WASHC4: variants seen among roughly 807,000 people sequenced by gnomAD.
The protein encoded by WASHC4 is WASH complex subunit 4.
A neutral mutation model predicts 166.6 loss-of-function variants in WASHC4; 86 were observed. That is an observed-to-expected ratio of 0.52 (90% CI 0.43 to 0.62). The LOEUF is 0.62. WASHC4 is among the 20% of genes least tolerant of loss of function. WASHC4 has a pLI of 0.00. For missense variants in WASHC4, 1,262 were observed against 1,382.4 expected (o/e 0.91, Z 1.38); for synonymous variants, 446 against 451.6 (o/e 0.99, Z 0.16).
Position 105,152,407 on chromosome 12 carries a change from GA to G in WASHC4, c.2715del (p.Gln906ArgfsTer23). On this transcript the variant is annotated frameshift_variant, in exon 26 of 33. Coordinates refer to ENST00000332180, the MANE Select transcript of WASHC4 (RefSeq NM_015275.3). LOFTEE classifies it high-confidence loss of function. ...GIRKLGVTPE[G>X]QSYLDQFRQL... ...AGAAAACTTGGAGTAACACCTGAGG[GA>G]CAGAGCTACCTTGATCAATTCAGGC... 1.2e-6 allele frequency: 2 copies of G among 1,606,834 alleles called. No individual in the cohort carries two copies. Among genetic ancestry groups the G allele is most frequent in the Non-Finnish European group, 1.7e-6 (2 of 1,173,556 alleles).
At chr12:105,124,117 A>G (rs1382567342) in intron 10 of WASHC4, among the ~76,000 whole-genome samples, 2 of 150,066 alleles carry the variant, frequency 1.3e-5, no homozygotes, top group Admixed American at 6.7e-5. Flanking sequence ...TGTAAATATA[A>G]CTTTTTTTTT....
At chr12:105,110,768 AGTT>A (rs1879609795) in intron 1 of WASHC4, among the ~76,000 whole-genome samples, 1 of 152,176 alleles carries the variant, frequency 6.6e-6, no homozygotes, top group African/African-American at 2.4e-5. Flanking sequence ...TTTGCAAAAG[AGTT>A]GTTCATGACT....
intron 1 of WASHC4, 84 bp from the exon 2 acceptor site, chr12:105,111,041 C>T (rs577292869): frequency 1.9e-5 from 19 of 980,262 alleles, no homozygotes; most frequent in African/African-American, 1.4e-4. Flanking sequence ...CAGTGCTTTG[C>T]GTGACTTTTG....
chr12:105,154,728 C>T (rs1884014957), intron 26 of WASHC4, among the ~76,000 whole-genome samples: 1 of 152,162 alleles, frequency 6.6e-6, no homozygotes, highest in African/African-American at 2.4e-5. Flanking sequence ...TTGTAGGTCT[C>T]TTAGCTAACA....
chr12:105,118,711 C>T (rs1285025152), intron 7 of WASHC4, among the ~76,000 whole-genome samples, 183 bp downstream of exon 7: 4 of 152,168 alleles, frequency 2.6e-5, no homozygotes, highest in African/African-American at 7.2e-5. Context: ...CCATGGTGAG[C>T]GAACCCATTA....
rs1378576884 is a variant in WASHC4, at chr12:105,142,004, C to T, written c.1788-449C>T. 1.0e-4 allele frequency among the ~76,000 whole-genome samples: 10 copies of T among 95,634 alleles called. No homozygotes were observed. In the East Asian group the frequency reaches 1.2e-3, roughly 11 times the overall value. 62.7% of individuals were successfully genotyped at this position (95,634 alleles called of 152,430 possible). On this transcript the variant is annotated intron_variant, in intron 18 of 32. Coordinates refer to ENST00000332180, the MANE Select transcript of WASHC4 (RefSeq NM_015275.3). ...GTTAAGTGTGGGTTTTTTTTTGGGG[C>T]GGGGGGGGTCACAATTTTTTTTTTT...
At chr12:105,148,118 G>C (rs1360051219) in intron 24 of WASHC4, 1 of 985,290 alleles carries the variant, frequency 1.0e-6, no homozygotes, top group East Asian at 1.1e-4. Context: ...GGAGAAAATG[G>C]AAAGTTAAGT....
rs1476306637 is a variant in WASHC4 at position 105,122,216 on chromosome 12, T to C, written c.764T>C (p.Leu255Ser). The C allele has an allele frequency of 3.1e-6, 5 of 1,612,764 alleles. No homozygotes were observed. The highest frequency in any genetic ancestry group is 4.2e-6 in the Non-Finnish European group (5 of 1,179,626). Residue 255 changes from leucine to serine, a missense_variant, in exon 10 of 33, where the codon TTA (leucine) becomes TCA (serine). By Grantham distance (145) the Leu-to-Ser change is moderately radical. Transcript: ENST00000332180. The stretch of plus-strand genomic sequence containing the variant: ...TTCTTGCTGAAGCTAGAAGGGCAAT[T>C]ACTGGATGGAATGATATTCCAGGTA... ...EKFLLKLEGQ[L>S]LDGMIFQACI...
intron 28 of WASHC4, among the ~76,000 whole-genome samples, chr12:105,158,919 A>G (rs1242319891): frequency 6.6e-6 from 1 of 152,186 alleles, no homozygotes; most frequent in Non-Finnish European, 1.5e-5. Context: ...ACTATATTTT[A>G]ACTTTTTGAT....
intron 2 of WASHC4, 23 bp from the exon 3 acceptor site, chr12:105,114,193 G>A: frequency 3.8e-6 from 6 of 1,597,110 alleles, no homozygotes; most frequent in South Asian, 1.1e-5. Context: ...TAAAAGAAAT[G>A]TTCTTTTCCT....
At chr12:105,147,225 G>A (rs1883369360) in intron 24 of WASHC4, 79 bp downstream of exon 24, 2 of 846,154 alleles carry the variant, frequency 2.4e-6, no homozygotes, top group Non-Finnish European at 4.1e-6. Flanking sequence ...ATAGAATATT[G>A]CGGTAAACAT....
intron 25 of WASHC4, among the ~76,000 whole-genome samples, chr12:105,149,960 A>G (rs918178631): frequency 6.6e-6 from 1 of 152,202 alleles, no homozygotes; most frequent in African/African-American, 2.4e-5. Flanking sequence ...TTAAAATAAT[A>G]TAAAAGCAGG....
chr12:105,140,513 A>G (rs1592889289), intron 16 of WASHC4, 112 bp downstream of exon 16: 1 of 803,220 alleles, frequency 1.2e-6, no homozygotes, highest in South Asian at 1.5e-5. Context: ...CTTCAAACAT[A>G]ATATGCTCGG....
At chr12:105,111,026 A>G (rs1169683720) in intron 1 of WASHC4, 99 bp from the exon 2 acceptor site, 2 of 856,930 alleles carry the variant, frequency 2.3e-6, no homozygotes, top group Non-Finnish European at 3.8e-6. Context: ...CAGAGTAATA[A>G]TTAACAGTGC....
In WASHC4 at chr12:105,166,874, A is replaced by G; in HGVS notation, c.3465A>G (p.Lys1155=). 6.2e-7 allele frequency: 1 copy of G among 1,603,234 alleles called. No individual in the cohort carries two copies. The highest frequency in any genetic ancestry group is 1.3e-5 in the African/African-American group (1 of 74,880). Residue 1155 remains lysine (K), a synonymous_variant, in exon 33 of 33, where the codon AAA becomes AAG. Coordinates refer to ENST00000332180, the MANE Select transcript of WASHC4 (RefSeq NM_015275.3). ...CACTCATGCTTTCAGAAGAAACTAA[A>G]ACAAGCAATGGAGACCTGTCTGACA... is the stretch of plus-strand genomic sequence containing the variant. ...QEKKEKEEET[K]TSNGDLSDST... is the part of the protein sequence containing the mutation.
intron 26 of WASHC4, among the ~76,000 whole-genome samples, chr12:105,153,036 G>A (rs192745334): frequency 4.4e-4 from 67 of 152,190 alleles, no homozygotes; most frequent in African/African-American, 1.5e-3. Context: ...CAATAACCCT[G>A]TGAGATAGGC....
chr12:105,132,874 A>G (rs967589598), intron 13 of WASHC4, among the ~76,000 whole-genome samples: 11 of 151,412 alleles, frequency 7.3e-5, no homozygotes, highest in African/African-American at 2.4e-4. Context: ...AGCATTCAAT[A>G]ACTATTAGCT....
At chr12:105,113,117 T>C (rs897162653) in intron 2 of WASHC4, among the ~76,000 whole-genome samples, 2 of 152,136 alleles carry the variant, frequency 1.3e-5, no homozygotes, top group Non-Finnish European at 2.9e-5. Flanking sequence ...GTGAGAATCA[T>C]TGTATGTAAG....
At chr12:105,124,172 T>C (rs944328161) in intron 10 of WASHC4, among the ~76,000 whole-genome samples, 6 of 150,306 alleles carry the variant, frequency 4.0e-5, no homozygotes, top group African/African-American at 1.2e-4. Flanking sequence ...CAGGCTGGAG[T>C]GCAGTGGAGC....
Sources: gnomAD v4.1 joint callset for allele counts (sites outside exome capture counted in the v4.1 genomes callset) on GRCh38, gnomAD v4.1.1 for gene constraint, MANE v1.5 for transcripts, NCBI Gene and HGNC (gene_info 2026-07-23, HGNC 2026-07-21) for gene names.